Variants in PCCB observed in about 807,000 individuals in gnomAD.
The protein encoded by PCCB is propionyl-CoA carboxylase beta chain, mitochondrial.
A neutral mutation model predicts 60.7 loss-of-function variants in PCCB; 43 were observed. The ratio of observed to expected loss-of-function variants is 0.71; its 90% CI spans 0.55 to 0.91. PCCB has a LOEUF of 0.91. PCCB is among the 40% of genes least tolerant of loss of function. The probability of loss-of-function intolerance (pLI) is 0.00; values close to 1 mark genes in which losing one functional copy is unlikely to be tolerated. For synonymous variants in PCCB, 276 were observed against 255.9 expected, an observed-to-expected ratio of 1.08 and a Z score of -0.75; for missense variants, 766 against 702.8, an observed-to-expected ratio of 1.09 and a Z score of -1.02.
chr3:136,311,350 T>A (rs1934659436), intron 9 of PCCB, among the ~76,000 whole-genome samples: 1 of 152,116 alleles, frequency 6.6e-6, no homozygotes, highest in South Asian at 2.1e-4. Context: ...AGAAGCTGTT[T>A]TAGGGCAAAT....
chr3:136,281,305 C>G (rs949812539), intron 5 of PCCB, among the ~76,000 whole-genome samples: 95 of 151,838 alleles, frequency 6.3e-4, no homozygotes, highest in African/African-American at 2.2e-3. Flanking sequence ...TTAATTTCTC[C>G]TTTTCTTTTT....
At chr3:136,323,531 C>A (rs1224462454) in intron 10 of PCCB, among the ~76,000 whole-genome samples, 2 of 152,140 alleles carry the variant, frequency 1.3e-5, no homozygotes, top group Non-Finnish European at 2.9e-5. Flanking sequence ...TGCCTGTAAT[C>A]CCAGCACTTT....
intron 7 of PCCB, among the ~76,000 whole-genome samples, chr3:136,297,197 C>G (rs774662070): frequency 2.0e-5 from 3 of 151,864 alleles, no homozygotes; most frequent in Non-Finnish European, 2.9e-5. Flanking sequence ...CAAAGGCTCT[C>G]GGTAGGAGAG....
intron 5 of PCCB, among the ~76,000 whole-genome samples, chr3:136,266,562 C>T (rs984456069): frequency 6.6e-6 from 1 of 152,228 alleles, no homozygotes; most frequent in Non-Finnish European, 1.5e-5. Flanking sequence ...GTTGGAATTA[C>T]AGGCGTGAGC....
At chr3:136,250,685 T>C in intron 1 of PCCB, 127 bp downstream of exon 1, 6 of 921,232 alleles carry the variant, frequency 6.5e-6, no homozygotes, top group Non-Finnish European at 9.6e-6. Flanking sequence ...GGAGCAAGGG[T>C]GTTCACCTTG....
At chr3:136,251,711 G>GTAC (rs1030531801) in intron 1 of PCCB, among the ~76,000 whole-genome samples, 5 of 152,012 alleles carry the variant, frequency 3.3e-5, no homozygotes, top group Non-Finnish European at 7.4e-5. Flanking sequence ...CAGTGCTCCT[G>GTAC]TACACTCTTT....
chr3:136,317,242 T>TTTTTTA (rs869106733), intron 10 of PCCB, among the ~76,000 whole-genome samples, 178 bp downstream of exon 10: 2 of 130,770 alleles, frequency 1.5e-5, no homozygotes, highest in East Asian at 2.1e-4. Flanking sequence ...TTTTTTTTTT[T>TTTTTTA]AGACAGGGTC....
intron 6 of PCCB, among the ~76,000 whole-genome samples, chr3:136,289,783 G>T (rs964558281): frequency 3.4e-5 from 3 of 87,218 alleles, no homozygotes; most frequent in African/African-American, 5.8e-5. Context: ...TTATTAACAT[G>T]TTATACTTTT....
At chr3:136,270,330 A>AT (rs547042362) in intron 5 of PCCB, among the ~76,000 whole-genome samples, 173 of 151,876 alleles carry the variant, frequency 1.1e-3, no homozygotes, top group African/African-American at 4.0e-3. Context: ...TTACCTTGTG[A>AT]TTTTTTCTTT....
intron 9 of PCCB, among the ~76,000 whole-genome samples, chr3:136,307,354 A>G (rs1934477867): frequency 1.5e-5 from 1 of 65,598 alleles, no homozygotes; most frequent in African/African-American, 3.1e-5. Flanking sequence ...GGTAGAGAAC[A>G]ATGTATAAGT....
chr3:136,287,068 A>G (rs1933449910), intron 6 of PCCB, among the ~76,000 whole-genome samples: 1 of 151,708 alleles, frequency 6.6e-6, no homozygotes, highest in South Asian at 2.1e-4. Context: ...AACCCAGGTC[A>G]GGAAATAGCT....
At chr3:136,283,722 A>G (rs1041171931) in intron 5 of PCCB, 115 bp from the exon 6 acceptor site, 2 of 732,412 alleles carry the variant, frequency 2.7e-6, no homozygotes, top group South Asian at 3.0e-5. Flanking sequence ...TGCCTCCTGT[A>G]TAGAATTTCT....
chr3:136,260,487 A>G lies in PCCB; in HGVS notation c.381A>G (p.Thr127=), dbSNP rs758109324. 2.5e-6 allele frequency: 4 copies of G among 1,613,192 alleles called. No individual in the cohort carries two copies. The highest frequency in any genetic ancestry group is 1.7e-4 in the Middle Eastern group (1 of 6,060). Residue 127 remains threonine, a synonymous_variant, in exon 4 of 15, where the codon ACA becomes ACG. Coordinates refer to ENST00000251654, the MANE Select transcript of PCCB (RefSeq NM_000532.5). ...RLVYVFSQDF[T]VFGGSLSGAH... Reference sequence around the variant, plus strand: ...TTGTATTTTCTTTTTAGGATTTTACAGTTTTTGGAGGCAGTCTGTCAGGAG... The same window carrying G: ...TTGTATTTTCTTTTTAGGATTTTACGGTTTTTGGAGGCAGTCTGTCAGGAG...
intron 1 of PCCB, chr3:136,252,184 G>C: frequency 2.3e-6 from 1 of 432,844 alleles, no homozygotes; most frequent in South Asian, 1.7e-5. Flanking sequence ...ACCCGGCCCT[G>C]CACCCCTTTT....
intron 7 of PCCB, among the ~76,000 whole-genome samples, chr3:136,296,758 T>A (rs1933958563): frequency 6.6e-6 from 1 of 152,186 alleles, no homozygotes; most frequent in Non-Finnish European, 1.5e-5. Context: ...CAACAAATAC[T>A]CATTTAGAAT....
In PCCB at chr3:136,327,623, A is replaced by T; in HGVS notation, c.1300-11A>T. 6.3e-7 allele frequency: 1 copy of T among 1,597,252 alleles called. No homozygotes were observed. The highest frequency in any genetic ancestry group is 1.1e-5 in the South Asian group (1 of 90,694). ...TCAGGCTCTAACACTCAGCATTTGG[A>T]TCTGTTTTAGGCCTATGGAGGTGCC... On this transcript the variant is annotated splice_polypyrimidine_tract_variant and intron_variant, in intron 12 of 14. Coordinates refer to ENST00000251654, the MANE Select transcript of PCCB (RefSeq NM_000532.5).
chr3:136,321,732 C>T (rs1935117645), intron 10 of PCCB, among the ~76,000 whole-genome samples: 1 of 152,194 alleles, frequency 6.6e-6, no homozygotes, highest in South Asian at 2.1e-4. Flanking sequence ...TTTGGGCGGG[C>T]ACACAGAGCT....
chr3:136,285,812 A>G (rs924169732), intron 6 of PCCB, among the ~76,000 whole-genome samples: 1 of 152,222 alleles, frequency 6.6e-6, no homozygotes, highest in African/African-American at 2.4e-5. Flanking sequence ...TCTGCTTACA[A>G]AACTTTAGTT....
intron 5 of PCCB, among the ~76,000 whole-genome samples, chr3:136,279,162 T>C (rs1942409047): frequency 6.6e-6 from 1 of 152,214 alleles, no homozygotes; most frequent in Non-Finnish European, 1.5e-5. Flanking sequence ...CATCCTTTAG[T>C]TTACCTCTTC....
Sources: allele counts gnomAD v4.1 joint callset (sites outside exome capture counted in the v4.1 genomes callset), GRCh38; gene constraint gnomAD v4.1.1; transcripts MANE v1.5; gene names NCBI Gene and HGNC (gene_info 2026-07-23, HGNC 2026-07-21).